The following FBXL17 variants were observed in gnomAD, a reference collection of about 807,000 sequenced individuals.
The protein encoded by FBXL17 is F-box and leucine rich repeat protein 17, also known as F-box/LRR-repeat protein 17.
A neutral mutation model predicts 66.2 loss-of-function variants in FBXL17; 22 were observed. That is an observed-to-expected ratio of 0.33 (90% confidence interval 0.24 to 0.47). The LOEUF (loss-of-function observed/expected upper bound fraction) is 0.47, where lower values mean the gene tolerates loss of function less well. Ranked by LOEUF, FBXL17 falls within the 20% of genes least tolerant of loss-of-function variation. FBXL17 has a pLI of 1.00. For synonymous variants in FBXL17, 474 were observed against 400.5 expected, an observed-to-expected ratio of 1.18 and a Z score of -2.19; for missense variants, 878 against 948.2, an observed-to-expected ratio of 0.93 and a Z score of 0.97.
At chr5:108,265,426 T>G (rs1757007620) in intron 4 of FBXL17, among the ~76,000 whole-genome samples, 1 of 152,108 alleles carries the variant, frequency 6.6e-6, no homozygotes, top group African/African-American at 2.4e-5. Flanking sequence ...TTCTCAACAA[T>G]TCCCATAATA....
chr5:108,342,787 G>A (rs142961150), intron 4 of FBXL17, among the ~76,000 whole-genome samples: 4 of 151,908 alleles, frequency 2.6e-5, no homozygotes, highest in African/African-American at 9.7e-5. Context: ...CATAGTACCT[G>A]GTATATTAAA....
At chr5:107,925,884 A>T (rs1347330112) in intron 7 of FBXL17, among the ~76,000 whole-genome samples, 1 of 152,188 alleles carries the variant, frequency 6.6e-6, no homozygotes, top group African/African-American at 2.4e-5. Flanking sequence ...ATGCAAACAG[A>T]CTACTAATAC....
chr5:108,093,667 C>T (rs1749268461), intron 6 of FBXL17, among the ~76,000 whole-genome samples: 1 of 152,170 alleles, frequency 6.6e-6, no homozygotes, highest in Non-Finnish European at 1.5e-5. Context: ...TTAACATCTT[C>T]TGATTTAGTC....
chr5:108,343,602 A>C (rs1747036275), intron 4 of FBXL17, among the ~76,000 whole-genome samples: 1 of 152,176 alleles, frequency 6.6e-6, no homozygotes, highest in Non-Finnish European at 1.5e-5. Context: ...CTCTATGGTG[A>C]ACAGTAAGAG....
intron 7 of FBXL17, among the ~76,000 whole-genome samples, chr5:107,911,353 T>TA: frequency 6.6e-6 from 1 of 152,164 alleles, no homozygotes; most frequent in African/African-American, 2.4e-5. Flanking sequence ...ATATCACATA[T>TA]AAAAAGCAAA....
intron 7 of FBXL17, among the ~76,000 whole-genome samples, chr5:107,915,738 C>T (rs1422744660): frequency 6.6e-6 from 1 of 152,174 alleles, no homozygotes; most frequent in Non-Finnish European, 1.5e-5. Flanking sequence ...GCTCTAGCCT[C>T]GTCTGCTGCC....
At chr5:108,301,402 A>C (rs1043752793) in intron 4 of FBXL17, among the ~76,000 whole-genome samples, 7 of 151,746 alleles carry the variant, frequency 4.6e-5, no homozygotes, top group African/African-American at 1.7e-4. Flanking sequence ...CAGTAATTTT[A>C]CTAAATTTAT....
intron 6 of FBXL17, among the ~76,000 whole-genome samples, chr5:108,031,965 A>G (rs1746660497): frequency 6.6e-6 from 1 of 152,136 alleles, no homozygotes; most frequent in South Asian, 2.1e-4. Context: ...TGAAGGTTAC[A>G]TTTCATAACG....
intron 6 of FBXL17, among the ~76,000 whole-genome samples, chr5:108,173,914 C>T (rs1188595271): frequency 3.3e-5 from 5 of 152,096 alleles, no homozygotes; most frequent in Admixed American, 3.3e-4. Flanking sequence ...ATTGGTGCTG[C>T]CAAAATTATA....
chr5:107,876,711 A>AT lies in FBXL17; in HGVS notation c.1965+4325dup, dbSNP rs35647718. On this transcript the variant is annotated intron_variant, in intron 8 of 8. Coordinates refer to ENST00000542267, the MANE Select transcript of FBXL17 (RefSeq NM_001163315.3). ...CCATTTGCCCTACAGCTTTATCATG[A>AT]TTTTTTTTGGTCCTTTTTAGTTTTG... is the stretch of plus-strand genomic sequence containing the variant. 5.6e-3 allele frequency among the ~76,000 whole-genome samples: 857 copies of AT among 152,130 alleles called. 7 individuals carry two copies. Among genetic ancestry groups the AT allele is most frequent in the African/African-American group, 0.017 (721 of 41,482 alleles).
chr5:108,293,776 C>G (rs544059461), intron 4 of FBXL17, among the ~76,000 whole-genome samples: 1 of 152,092 alleles, frequency 6.6e-6, no homozygotes, highest in East Asian at 1.9e-4. Context: ...CGTGGTGGTT[C>G]ATGCCTGTAA....
At chr5:108,312,861 A>G (rs1759189560) in intron 4 of FBXL17, among the ~76,000 whole-genome samples, 1 of 152,138 alleles carries the variant, frequency 6.6e-6, no homozygotes, top group South Asian at 2.1e-4. Context: ...TAATCATTTC[A>G]GCAGTTAAAA....
At chr5:107,989,496 T>C (rs1320212431) in intron 7 of FBXL17, among the ~76,000 whole-genome samples, 1 of 152,178 alleles carries the variant, frequency 6.6e-6, no homozygotes, top group Non-Finnish European at 1.5e-5. Flanking sequence ...GGCTGAATAA[T>C]ATTCCATTGT....
chr5:108,331,241 A>G (rs929050548), intron 4 of FBXL17, among the ~76,000 whole-genome samples: 1 of 152,210 alleles, frequency 6.6e-6, no homozygotes, highest in Non-Finnish European at 1.5e-5. Flanking sequence ...CTTAGTTACA[A>G]CCAACCACAT....
intron 6 of FBXL17, among the ~76,000 whole-genome samples, chr5:108,175,840 G>C (rs1752776107): frequency 6.6e-6 from 1 of 152,098 alleles, no homozygotes; most frequent in South Asian, 2.1e-4. Context: ...AAATATTTTA[G>C]GCTGAAGCAA....
At chr5:107,981,133 A>G (rs1175176594) in intron 7 of FBXL17, among the ~76,000 whole-genome samples, 1 of 152,186 alleles carries the variant, frequency 6.6e-6, no homozygotes, top group Non-Finnish European at 1.5e-5. Context: ...GCAACGTCAC[A>G]GAAACTGGGC....
intron 6 of FBXL17, among the ~76,000 whole-genome samples, chr5:108,176,329 A>C (rs1453503780): frequency 2.0e-5 from 3 of 152,142 alleles, no homozygotes; most frequent in Non-Finnish European, 4.4e-5. Flanking sequence ...TCATCTTTTT[A>C]TGGCCTGAAA....
intron 4 of FBXL17, among the ~76,000 whole-genome samples, chr5:108,343,410 C>T (rs1021205148): frequency 2.0e-5 from 3 of 152,150 alleles, no homozygotes; most frequent in Non-Finnish European, 2.9e-5. Context: ...CAAGTGAGTA[C>T]TTAACCCTTT....
At chr5:107,972,560 C>T (rs1280877996) in intron 7 of FBXL17, among the ~76,000 whole-genome samples, 1 of 152,134 alleles carries the variant, frequency 6.6e-6, no homozygotes, top group Non-Finnish European at 1.5e-5. Flanking sequence ...CCCCTTACTA[C>T]TTTAAACTAA....
Sources: gnomAD v4.1 joint callset for allele counts (sites outside exome capture counted in the v4.1 genomes callset) on GRCh38, gnomAD v4.1.1 for gene constraint, MANE v1.5 for transcripts, NCBI Gene and HGNC (gene_info 2026-07-23, HGNC 2026-07-21) for gene names.